LARP4: variants seen among roughly 807,000 people sequenced by gnomAD.
The protein encoded by LARP4 is La ribonucleoprotein 4.
In LARP4, 29 loss-of-function variants were observed where a neutral mutation model predicts 92.9. The ratio of observed to expected loss-of-function variants is 0.31; its 90% CI spans 0.23 to 0.43. The LOEUF (loss-of-function observed/expected upper bound fraction) is 0.43, where lower values mean the gene tolerates loss of function less well. Among genes scored for constraint, LARP4 ranks in the 20% least tolerant of loss-of-function variants. The pLI, the probability that LARP4 is intolerant of heterozygous loss-of-function variation, is 1.00. For synonymous variants in LARP4, 279 were observed against 284.1 expected, an observed-to-expected ratio of 0.98 and a Z score of 0.18; for missense variants, 732 against 860.0, an observed-to-expected ratio of 0.85 and a Z score of 1.86.
At position 50,419,647 on chromosome 12, in the gene LARP4, C is replaced by G. The variant is rs180830659; in HGVS notation, c.19-8115C>G. ...TTAGGCCTGTTGTGGTGAGTCATGC[C>G]TATAATCCCAGCACTTTCGGAGACC... On this transcript the variant is annotated intron_variant, in intron 1 of 15. Transcript: ENST00000398473. Among the ~76,000 whole-genome samples, 93 of 152,258 alleles carry G rather than the reference C, an allele frequency of 6.1e-4. 1 individual carries two copies. In the East Asian group the frequency reaches 0.017, roughly 28 times the overall value.
chr12:50,446,685 C>T (rs539060688), intron 8 of LARP4, among the ~76,000 whole-genome samples: 2 of 151,544 alleles, frequency 1.3e-5, no homozygotes, highest in East Asian at 2.0e-4. Context: ...CCTCAGCCCC[C>T]CAAAGTACTG....
chr12:50,463,136 T>C (rs1013314713), intron 12 of LARP4, among the ~76,000 whole-genome samples: 7 of 151,708 alleles, frequency 4.6e-5, no homozygotes, highest in Admixed American at 3.9e-4. Flanking sequence ...TAAGTGATCC[T>C]CCTCTCGAGT....
At chr12:50,401,610 A>G (rs1279859964) in intron 1 of LARP4, among the ~76,000 whole-genome samples, 2 of 152,202 alleles carry the variant, frequency 1.3e-5, no homozygotes, top group Admixed American at 1.3e-4. Flanking sequence ...AGGAGAAGCC[A>G]GTAGGGTTTG....
chr12:50,429,900 A>T (rs1403936205), intron 3 of LARP4, among the ~76,000 whole-genome samples: 1 of 152,108 alleles, frequency 6.6e-6, no homozygotes, highest in Non-Finnish European at 1.5e-5. Context: ...TTGGCCTCCC[A>T]AAGTGCTGGG....
rs1957619770 is a variant in LARP4 at position 50,477,548 on chromosome 12, AACTCT to A, written c.*1686_*1690del. Reference sequence around the variant, plus strand: ...TACATTACTGTGAAATTCATCTTCCAACTCTAAGTTAAGCTTTGGAGATACATGTT... The same window carrying A: ...TACATTACTGTGAAATTCATCTTCCAAAGTTAAGCTTTGGAGATACATGTT... On this transcript the variant is annotated 3_prime_UTR_variant, in exon 16 of 16. Transcript: ENST00000398473. 2 of 152,574 alleles carry A rather than the reference AACTCT, an allele frequency of 1.3e-5. No individual in the cohort carries two copies. Among genetic ancestry groups the A allele is most frequent in the Non-Finnish European group, 2.9e-5 (2 of 67,960 alleles). 9.5% of individuals were successfully genotyped at this position (152,574 alleles called of 1,614,324 possible). A position where few individuals can be genotyped will look rare whatever the true frequency, so the allele number is the denominator to read the frequency against.
chr12:50,436,219 G>GGT lies in LARP4; in HGVS notation c.535+608_535+609dup, dbSNP rs377317324. 7.4e-3 allele frequency among the ~76,000 whole-genome samples: 1,080 copies of GGT among 145,400 alleles called. 11 individuals carry two copies. Among genetic ancestry groups the GGT allele is most frequent in the African/African-American group, 0.026 (1,028 of 38,956 alleles). On this transcript the variant is annotated intron_variant, in intron 5 of 15. Transcript: ENST00000398473. ...ATCCCGCTACTGACTGGTGTGTGGG[G>GGT]GTGTGTGTGTGTGTATATGTGTGTA... is the stretch of plus-strand genomic sequence containing the variant.
Position 50,478,536 on chromosome 12 carries a change from T to C in LARP4, c.*2672T>C, listed in dbSNP as rs1293084791. 6.6e-6 allele frequency: 1 copy of C among 152,040 alleles called. No individual in the cohort carries two copies. The highest frequency in any genetic ancestry group is 1.5e-5 in the Non-Finnish European group (1 of 67,954). 9.4% of individuals were successfully genotyped at this position (152,040 alleles called of 1,614,324 possible). On this transcript the variant is annotated 3_prime_UTR_variant, in exon 16 of 16. Coordinates refer to ENST00000398473, the MANE Select transcript of LARP4 (RefSeq NM_052879.5). Reference sequence around the variant, plus strand: ...TCTTTAGATGGAGGAATTTAAAAAATCAAATTTTTCTCTTCACCTTTATGA... The same window carrying C: ...TCTTTAGATGGAGGAATTTAAAAAACCAAATTTTTCTCTTCACCTTTATGA...
chr12:50,401,109 C>G, intron 1 of LARP4, 81 bp downstream of exon 1: 3 of 1,529,014 alleles, frequency 2.0e-6, no homozygotes. Context: ...CGCCATGTGA[C>G]TTTCCGGGCC....
At chr12:50,422,129 C>G (rs796916432) in intron 1 of LARP4, among the ~76,000 whole-genome samples, 140 of 152,126 alleles carry the variant, frequency 9.2e-4, no homozygotes, top group African/African-American at 3.1e-3. Context: ...ACCCCCACGA[C>G]TGGCTAATTT....
intron 8 of LARP4, among the ~76,000 whole-genome samples, chr12:50,443,769 C>G (rs914522336): frequency 2.0e-5 from 3 of 152,036 alleles, no homozygotes; most frequent in Non-Finnish European, 2.9e-5. Flanking sequence ...CTAACAACCA[C>G]GCCCAGCTAA....
intron 4 of LARP4, among the ~76,000 whole-genome samples, chr12:50,431,115 A>C (rs1565586635): frequency 6.6e-6 from 1 of 152,066 alleles, no homozygotes; most frequent in Non-Finnish European, 1.5e-5. Context: ...TAAAAATACA[A>C]AAATTAGCGG....
At chr12:50,466,492 G>A (rs921552948) in intron 12 of LARP4, among the ~76,000 whole-genome samples, 10 of 151,992 alleles carry the variant, frequency 6.6e-5, no homozygotes, top group Admixed American at 3.3e-4. Context: ...GTGGTGGCGC[G>A]CACAGCTACT....
rs1957782001 is a variant in LARP4 at position 50,480,001 on chromosome 12, A to G, written c.*4137A>G. 1 of 152,322 alleles carries G rather than the reference A, an allele frequency of 6.6e-6. No individual in the cohort carries two copies. The highest frequency in any genetic ancestry group is 2.1e-4 in the South Asian group (1 of 4,826). 9.4% of individuals were successfully genotyped at this position (152,322 alleles called of 1,614,324 possible). A position where few individuals can be genotyped will look rare whatever the true frequency, so the allele number is the denominator to read the frequency against. On this transcript the variant is annotated 3_prime_UTR_variant, in exon 16 of 16. Transcript: ENST00000398473. ...TAGAAAAAAAATAAAATTATTAAAA[A>G]GCAGGACTGGTTTCCTTTTCTCTAG...
chr12:50,408,187 C>CT (rs71083565), intron 1 of LARP4, among the ~76,000 whole-genome samples: 55,991 of 69,084 alleles, frequency 0.81, 25,622 homozygotes, highest in Non-Finnish European at 0.93. Flanking sequence ...GGATTTTCTG[C>CT]TTTTTTTTTT....
intron 3 of LARP4, 46 bp from the exon 4 acceptor site, chr12:50,430,449 A>G (rs11612002): frequency 0.22 from 219,932 of 1,022,346 alleles, 25,926 homozygotes; most frequent in East Asian, 0.33. Context: ...TATCACCTCT[A>G]CTAACATGCT....
chr12:50,445,572 T>C (rs1301281499), intron 8 of LARP4, among the ~76,000 whole-genome samples: 1 of 152,188 alleles, frequency 6.6e-6, no homozygotes, highest in Non-Finnish European at 1.5e-5. Context: ...TTTCATATGT[T>C]GGACTGATTG....
At chr12:50,454,784 TAATA>T (rs2138343772) in intron 10 of LARP4, 1 of 170,702 alleles carries the variant, frequency 5.9e-6, no homozygotes, top group Admixed American at 5.8e-5. Flanking sequence ...CTGAATTGTG[TAATA>T]AATGTTGGGA....
At chr12:50,408,963 T>C (rs1945346688) in intron 1 of LARP4, among the ~76,000 whole-genome samples, 2 of 152,008 alleles carry the variant, frequency 1.3e-5, no homozygotes, top group South Asian at 4.2e-4. Flanking sequence ...GGCAACATAG[T>C]GACACCCCAT....
chr12:50,402,209 T>C (rs1300588965), intron 1 of LARP4, among the ~76,000 whole-genome samples: 1 of 152,178 alleles, frequency 6.6e-6, no homozygotes, highest in East Asian at 1.9e-4. Context: ...TTTTTCTCTT[T>C]AAACTAACTG....
Sources: gnomAD v4.1 joint callset for allele counts (sites outside exome capture counted in the v4.1 genomes callset) on GRCh38, gnomAD v4.1.1 for gene constraint, MANE v1.5 for transcripts, NCBI Gene and HGNC (gene_info 2026-07-23, HGNC 2026-07-21) for gene names.